TRPM3: variants seen among roughly 807,000 people sequenced by gnomAD.
TRPM3 encodes transient receptor potential cation channel subfamily M member 3.
A neutral mutation model predicts 181.2 loss-of-function variants in TRPM3; 77 were observed. That is an observed-to-expected ratio of 0.42 (90% CI 0.35 to 0.51). The LOEUF is 0.51. TRPM3 is among the 20% of genes least tolerant of loss of function. The pLI is 0.01. For missense variants in TRPM3, 1,759 were observed against 2,196.7 expected (o/e 0.80, Z 3.98); for synonymous variants, 745 against 796.4 (o/e 0.94, Z 1.09).
chr9:71,430,685 A>AC (rs1588997559), intron 1 of TRPM3, among the ~76,000 whole-genome samples: 1 of 151,984 alleles, frequency 6.6e-6, no homozygotes, highest in East Asian at 1.9e-4. Context: ...GGTGGCGTGC[A>AC]CCTGTAATCC....
intron 8 of TRPM3, among the ~76,000 whole-genome samples, chr9:70,748,068 A>C (rs749821600): frequency 2.0e-5 from 3 of 152,188 alleles, no homozygotes; most frequent in Non-Finnish European, 2.9e-5. Context: ...GAAAAAGAAA[A>C]CAAATGGTAA....
At chr9:70,668,022 T>G (rs1023211349) in intron 9 of TRPM3, among the ~76,000 whole-genome samples, 1 of 152,232 alleles carries the variant, frequency 6.6e-6, no homozygotes, top group African/African-American at 2.4e-5. Context: ...CAGAAGAGAA[T>G]GATAGTAGAT....
At chr9:71,288,093 T>C (rs1467378519) in intron 1 of TRPM3, among the ~76,000 whole-genome samples, 1 of 152,036 alleles carries the variant, frequency 6.6e-6, no homozygotes, top group Admixed American at 6.6e-5. Flanking sequence ...GTTGGCTTGA[T>C]GGAAGTTTTA....
intron 1 of TRPM3, among the ~76,000 whole-genome samples, chr9:71,139,230 C>T (rs566691561): frequency 2.0e-5 from 3 of 152,266 alleles, no homozygotes; most frequent in Non-Finnish European, 2.9e-5. Flanking sequence ...ATATTAGATA[C>T]GTTTTCCCAC....
At chr9:70,671,430 C>G (rs2062899235) in intron 9 of TRPM3, among the ~76,000 whole-genome samples, 1 of 151,998 alleles carries the variant, frequency 6.6e-6, no homozygotes, top group Non-Finnish European at 1.5e-5. Flanking sequence ...AAGGAATAGG[C>G]TTTGGTCTTG....
intron 1 of TRPM3, among the ~76,000 whole-genome samples, chr9:71,355,532 G>T (rs562227097): frequency 2.2e-4 from 33 of 152,288 alleles, no homozygotes; most frequent in African/African-American, 7.7e-4. Context: ...TTGAAGTCCA[G>T]ATCTGTGAGA....
rs139935872 is a variant in TRPM3 at position 70,812,895 on chromosome 9, G to A, written c.973+14952C>T. Among the ~76,000 whole-genome samples, 69 of 152,224 alleles carry A rather than the reference G, an allele frequency of 4.5e-4. 1 individual carries two copies. In the East Asian group the frequency reaches 0.011, roughly 24 times the overall value. On this transcript the variant is annotated intron_variant, in intron 6 of 25. Transcript: ENST00000677713. ...TGGATAGCAGGTATGTGTTATGTCC[G>A]CAAATTGTCTCAATATTTTCTTAAT... is the stretch of plus-strand genomic sequence containing the variant.
chr9:70,541,246 G>A (rs1474413351), intron 25 of TRPM3, among the ~76,000 whole-genome samples: 1 of 152,160 alleles, frequency 6.6e-6, no homozygotes. Context: ...ACAGGGCCAA[G>A]CAACTATTCT....
intron 1 of TRPM3, among the ~76,000 whole-genome samples, chr9:71,032,680 T>C (rs1203184665): frequency 6.6e-6 from 1 of 152,192 alleles, no homozygotes; most frequent in Non-Finnish European, 1.5e-5. Flanking sequence ...TTTGGAGATA[T>C]ATTTGTTGAT....
intron 1 of TRPM3, among the ~76,000 whole-genome samples, chr9:71,276,195 G>GA (rs2084200438): frequency 6.6e-6 from 1 of 151,964 alleles, no homozygotes; most frequent in Non-Finnish European, 1.5e-5. Context: ...TACATACGTG[G>GA]CAAAAAATCC....
At chr9:71,130,724 G>A (rs2134454353) in intron 1 of TRPM3, among the ~76,000 whole-genome samples, 1 of 152,218 alleles carries the variant, frequency 6.6e-6, no homozygotes, top group Admixed American at 6.5e-5. Flanking sequence ...CGTTGGCACA[G>A]GGTATCTGGT....
At chr9:71,338,637 T>A (rs1301032873) in intron 1 of TRPM3, among the ~76,000 whole-genome samples, 1 of 151,836 alleles carries the variant, frequency 6.6e-6, no homozygotes, top group African/African-American at 2.4e-5. Context: ...CTAAAACTGA[T>A]AAAAAGCAGT....
intron 1 of TRPM3, among the ~76,000 whole-genome samples, chr9:70,901,201 T>C (rs537784962): frequency 9.2e-5 from 14 of 152,316 alleles, no homozygotes; most frequent in African/African-American, 3.4e-4. Flanking sequence ...ACAGTTGTTA[T>C]TGGGTGTGGC....
intron 1 of TRPM3, among the ~76,000 whole-genome samples, chr9:71,146,596 T>C (rs1394019504): frequency 2.0e-5 from 3 of 152,182 alleles, no homozygotes; most frequent in Non-Finnish European, 4.4e-5. Flanking sequence ...ACTGGTTTTT[T>C]GTCCTAACAT....
At chr9:71,102,187 C>T (rs532193134) in intron 1 of TRPM3, among the ~76,000 whole-genome samples, 6 of 152,156 alleles carry the variant, frequency 3.9e-5, no homozygotes, top group Non-Finnish European at 8.8e-5. Flanking sequence ...ACACAGCTTT[C>T]CTCCATGCTT....
At chr9:70,943,378 C>T (rs1051306463) in intron 1 of TRPM3, among the ~76,000 whole-genome samples, 1 of 152,186 alleles carries the variant, frequency 6.6e-6, no homozygotes, top group Non-Finnish European at 1.5e-5. Context: ...ACATACAATA[C>T]AAATTTTGAC....
chr9:70,880,257 G>A (rs2095962918), intron 1 of TRPM3, among the ~76,000 whole-genome samples: 1 of 152,108 alleles, frequency 6.6e-6, no homozygotes, highest in East Asian at 1.9e-4. Context: ...TCAGCCATTT[G>A]TTAAACAGTA....
rs148372065 is a variant in TRPM3 at position 70,674,702 on chromosome 9, T to A, written c.1345+6804A>T. On this transcript the variant is annotated intron_variant, in intron 9 of 25. Transcript: ENST00000677713. ...AAACTCCCAAGTAGCTGGGACTACA[T>A]GCATATGCCACTATTCAGGCTATTT... Among the ~76,000 whole-genome samples the A allele has an allele frequency of 9.7e-4, 145 of 149,418 alleles. 2 individuals are homozygous for A. Among genetic ancestry groups the A allele is most frequent in the African/African-American group, 3.5e-3 (141 of 40,684 alleles).
intron 1 of TRPM3, among the ~76,000 whole-genome samples, chr9:71,353,512 G>T (rs1037261952): frequency 6.6e-6 from 1 of 152,140 alleles, no homozygotes; most frequent in Non-Finnish European, 1.5e-5. Flanking sequence ...GCAATCAACA[G>T]TCAGGGCATC....
Sources: gnomAD v4.1 joint callset for allele counts (sites outside exome capture counted in the v4.1 genomes callset) on GRCh38, gnomAD v4.1.1 for gene constraint, MANE v1.5 for transcripts, NCBI Gene and HGNC (gene_info 2026-07-23, HGNC 2026-07-21) for gene names.